Variants in LHFPL6 observed in about 807,000 individuals in gnomAD.
The protein encoded by LHFPL6 is LHFPL tetraspan subfamily member 6.
Under a neutral mutation model 20.6 loss-of-function variants are expected in LHFPL6, and 9 were observed. That is an observed-to-expected ratio of 0.44 (90% CI 0.26 to 0.76). The LOEUF (loss-of-function observed/expected upper bound fraction) is 0.76. Among genes scored for constraint, LHFPL6 ranks in the 30% least tolerant of loss-of-function variants. The pLI, the probability that LHFPL6 is intolerant of heterozygous loss-of-function variation, is 0.20. For missense variants in LHFPL6, 218 were observed against 253.5 expected (o/e 0.86, Z 0.95); for synonymous variants, 105 against 98.7 (o/e 1.06, Z -0.38).
At chr13:39,416,139 C>T (rs765246508) in intron 2 of LHFPL6, among the ~76,000 whole-genome samples, 1 of 152,108 alleles carries the variant, frequency 6.6e-6, no homozygotes, top group Admixed American at 6.5e-5. Context: ...TATGAACTGA[C>T]GTCTTTGATG....
chr13:39,501,777 C>T (rs992463617), intron 2 of LHFPL6, among the ~76,000 whole-genome samples: 1 of 152,172 alleles, frequency 6.6e-6, no homozygotes, highest in Admixed American at 6.5e-5. Flanking sequence ...GAGACATCAA[C>T]CATGTGTTCA....
chr13:39,561,896 A>T (rs1343443447), intron 2 of LHFPL6, among the ~76,000 whole-genome samples: 1 of 152,204 alleles, frequency 6.6e-6, no homozygotes, highest in Admixed American at 6.5e-5. Flanking sequence ...AGAAACTATT[A>T]TCTCTATGTA....
intron 2 of LHFPL6, among the ~76,000 whole-genome samples, chr13:39,446,223 C>A (rs570161287): frequency 6.6e-6 from 1 of 152,272 alleles, no homozygotes; most frequent in African/African-American, 2.4e-5. Context: ...CAGCCTGAAG[C>A]CCATCTATGT....
In LHFPL6 at chr13:39,466,028, C is replaced by A. The variant is rs1030745813; in HGVS notation, c.386-87502G>T. On this transcript the variant is annotated intron_variant, in intron 2 of 3. Coordinates refer to ENST00000379589, the MANE Select transcript of LHFPL6 (RefSeq NM_005780.3). Reference sequence around the variant, plus strand: ...GTTCATGGTCTTCCCTGGAGCCCTGCGCTCTTGGAAAATCACTCCCTTCTT... The same window carrying A: ...GTTCATGGTCTTCCCTGGAGCCCTGAGCTCTTGGAAAATCACTCCCTTCTT... Among the ~76,000 whole-genome samples, 3 of 152,024 alleles carry A rather than the reference C, an allele frequency of 2.0e-5. No individual in the cohort carries two copies. The East Asian group carries it at 5.8e-4, about 29-fold the overall frequency.
At position 39,466,139 on chromosome 13, in the gene LHFPL6, G is replaced by T. The variant is rs150140839; in HGVS notation, c.386-87613C>A. Reference sequence around the variant, plus strand: ...ATTCTTCAGCTATCTTTCACTAGGAGAAGAGATTTGGGGACATGATTTAGT... The same window carrying T: ...ATTCTTCAGCTATCTTTCACTAGGATAAGAGATTTGGGGACATGATTTAGT... On this transcript the variant is annotated intron_variant, in intron 2 of 3. Transcript: ENST00000379589. Among the ~76,000 whole-genome samples the T allele has an allele frequency of 6.6e-5, 10 of 152,270 alleles. No individual in the cohort carries two copies. The East Asian group carries it at 1.9e-3, about 29-fold the overall frequency.
chr13:39,467,890 T>C (rs1056887272), intron 2 of LHFPL6, among the ~76,000 whole-genome samples: 4 of 152,176 alleles, frequency 2.6e-5, no homozygotes, highest in Non-Finnish European at 5.9e-5. Context: ...TGGACCCCAT[T>C]GGGTTATTGA....
At chr13:39,454,406 G>A (rs1872519737) in intron 2 of LHFPL6, among the ~76,000 whole-genome samples, 1 of 33,136 alleles carries the variant, frequency 3.0e-5, no homozygotes, top group Non-Finnish European at 5.0e-5. Context: ...GAGGCGGGCG[G>A]ATCATGAGGT....
chr13:39,383,272 A>G (rs950068243), intron 2 of LHFPL6, among the ~76,000 whole-genome samples: 1 of 152,228 alleles, frequency 6.6e-6, no homozygotes, highest in African/African-American at 2.4e-5. Context: ...CAGTTCAGGG[A>G]AACTTTAGGT....
chr13:39,444,578 A>T (rs1448744653), intron 2 of LHFPL6, among the ~76,000 whole-genome samples: 1 of 152,202 alleles, frequency 6.6e-6, no homozygotes, highest in Admixed American at 6.5e-5. Context: ...GAATTCTGGT[A>T]CAGCACCCCT....
intron 2 of LHFPL6, among the ~76,000 whole-genome samples, chr13:39,470,753 A>G (rs1408939941): frequency 6.6e-6 from 1 of 152,224 alleles, no homozygotes; most frequent in Non-Finnish European, 1.5e-5. Context: ...TTAACTTTTA[A>G]AAGAATTTGA....
chr13:39,488,593 C>T (rs537123193), intron 2 of LHFPL6, among the ~76,000 whole-genome samples: 12 of 152,166 alleles, frequency 7.9e-5, no homozygotes, highest in South Asian at 2.1e-4. Context: ...CTCCTCACCA[C>T]GTGAAGAAAT....
intron 2 of LHFPL6, among the ~76,000 whole-genome samples, chr13:39,448,964 G>C (rs890555054): frequency 6.6e-6 from 1 of 152,234 alleles, no homozygotes; most frequent in Non-Finnish European, 1.5e-5. Context: ...GAAGTCATCT[G>C]ATCTGGGGAG....
chr13:39,541,996 C>T (rs948882442), intron 2 of LHFPL6, among the ~76,000 whole-genome samples: 4 of 151,776 alleles, frequency 2.6e-5, no homozygotes, highest in Admixed American at 1.3e-4. Context: ...GAGGCTGAGG[C>T]AGGAGAATGG....
intron 2 of LHFPL6, among the ~76,000 whole-genome samples, chr13:39,490,292 T>C (rs1040726599): frequency 9.2e-5 from 14 of 152,142 alleles, no homozygotes; most frequent in African/African-American, 2.9e-4. Context: ...TTAGAGACAA[T>C]AGAGCCACAA....
intron 2 of LHFPL6, among the ~76,000 whole-genome samples, chr13:39,467,068 T>C (rs187305352): frequency 2.7e-5 from 4 of 150,090 alleles, no homozygotes; most frequent in Admixed American, 2.6e-4. Context: ...GACAAGGAGC[T>C]ACAGCAAATA....
intron 2 of LHFPL6, among the ~76,000 whole-genome samples, chr13:39,501,813 A>G (rs1040202505): frequency 3.3e-5 from 5 of 152,178 alleles, no homozygotes; most frequent in Non-Finnish European, 7.3e-5. Flanking sequence ...GCTGGCCCAG[A>G]GCGAACCAGG....
chr13:39,345,279 A>G (rs1203504463), intron 3 of LHFPL6, among the ~76,000 whole-genome samples: 4 of 152,188 alleles, frequency 2.6e-5, no homozygotes, highest in Non-Finnish European at 5.9e-5. Context: ...TTGGGAGGCC[A>G]AGGCGGGTGG....
chr13:39,378,920 T>C (rs146002901), intron 2 of LHFPL6, among the ~76,000 whole-genome samples: 205 of 152,322 alleles, frequency 1.3e-3, no homozygotes, highest in Non-Finnish European at 1.5e-3. Flanking sequence ...ATTCACTAGA[T>C]TTTTGTTTCC....
chr13:39,528,608 G>A (rs764417077), intron 2 of LHFPL6, among the ~76,000 whole-genome samples: 8 of 152,094 alleles, frequency 5.3e-5, no homozygotes, highest in Non-Finnish European at 7.3e-5. Context: ...TTCCCATCTC[G>A]CTCTATGATA....
Sources: gnomAD v4.1 joint callset for allele counts (sites outside exome capture counted in the v4.1 genomes callset) on GRCh38, gnomAD v4.1.1 for gene constraint, MANE v1.5 for transcripts, NCBI Gene and HGNC (gene_info 2026-07-23, HGNC 2026-07-21) for gene names.